The following IGSF11 variants were observed in gnomAD, a reference collection of about 807,000 sequenced individuals.
IGSF11 encodes the protein CXADR like 1.
Under a neutral mutation model 41.0 loss-of-function variants are expected in IGSF11, and 22 were observed. The ratio of observed to expected loss-of-function variants is 0.54; its 90% CI spans 0.38 to 0.77. IGSF11 has a LOEUF of 0.77. Ranked by LOEUF, IGSF11 falls within the 30% of genes least tolerant of loss-of-function variation. The probability of loss-of-function intolerance (pLI) is 0.00; values close to 1 mark genes in which losing one functional copy is unlikely to be tolerated. For synonymous variants in IGSF11, 219 were observed against 201.3 expected (o/e 1.09, Z -0.74); for missense variants, 444 against 530.8 (o/e 0.84, Z 1.61).
intron 1 of IGSF11, among the ~76,000 whole-genome samples, chr3:118,968,946 A>G (rs1395060738): frequency 6.6e-6 from 1 of 152,236 alleles, no homozygotes; most frequent in African/African-American, 2.4e-5. Flanking sequence ...TAAAACAGAT[A>G]AAGATAAAAT....
intron 1 of IGSF11, among the ~76,000 whole-genome samples, chr3:118,965,725 G>A (rs377349490): frequency 7.9e-5 from 12 of 152,132 alleles, no homozygotes; most frequent in South Asian, 6.2e-4. Flanking sequence ...CTCTCAGTGC[G>A]AAGCATTAGG....
chr3:119,118,499 G>A (rs913395761), intron 1 of IGSF11, among the ~76,000 whole-genome samples: 1 of 152,308 alleles, frequency 6.6e-6, no homozygotes, highest in African/African-American at 2.4e-5. Context: ...CAGGAACCTT[G>A]GGCTCAGCCC....
chr3:118,990,754 G>T (rs1167375157), intron 1 of IGSF11, among the ~76,000 whole-genome samples: 1 of 152,106 alleles, frequency 6.6e-6, no homozygotes, highest in Non-Finnish European at 1.5e-5. Flanking sequence ...CCACCTAGAA[G>T]TTAGTTCTGG....
At chr3:119,001,581 A>C (rs570561358) in intron 1 of IGSF11, among the ~76,000 whole-genome samples, 1 of 134,826 alleles carries the variant, frequency 7.4e-6, no homozygotes, top group Non-Finnish European at 1.6e-5. Context: ...CTAACTCGTC[A>C]TCTAGCATTA....
chr3:118,950,276 A>G (rs1158511674), intron 1 of IGSF11, among the ~76,000 whole-genome samples: 4 of 152,158 alleles, frequency 2.6e-5, no homozygotes, highest in Non-Finnish European at 4.4e-5. Flanking sequence ...CTGATCCGTT[A>G]TATCACCTCC....
At chr3:119,092,045 C>A (rs1030830747) in intron 1 of IGSF11, among the ~76,000 whole-genome samples, 10 of 150,738 alleles carry the variant, frequency 6.6e-5, no homozygotes, top group Admixed American at 4.6e-4. Flanking sequence ...ACAGTCTCAC[C>A]CTGTCACTCA....
chr3:119,129,617 A>AAT, intron 1 of IGSF11, among the ~76,000 whole-genome samples: 1 of 152,328 alleles, frequency 6.6e-6, no homozygotes, highest in African/African-American at 2.4e-5. Context: ...ATAAACTTAA[A>AAT]ATAACTGATT....
intron 1 of IGSF11, among the ~76,000 whole-genome samples, chr3:119,110,490 A>C (rs2107518276): frequency 6.6e-6 from 1 of 152,262 alleles, no homozygotes; most frequent in East Asian, 1.9e-4. Flanking sequence ...GTGTCTCTGC[A>C]CGTGAGATGG....
chr3:118,962,077 T>G (rs1013846148), intron 1 of IGSF11, among the ~76,000 whole-genome samples: 14 of 152,194 alleles, frequency 9.2e-5, no homozygotes, highest in Non-Finnish European at 1.3e-4. Flanking sequence ...TCAGGTGTAG[T>G]TTCTGTCTCT....
At chr3:119,092,571 C>T (rs1050109796) in intron 1 of IGSF11, among the ~76,000 whole-genome samples, 5 of 152,034 alleles carry the variant, frequency 3.3e-5, no homozygotes, top group Non-Finnish European at 7.4e-5. Flanking sequence ...CTCAGGTGAT[C>T]CACTCCTCTC....
At chr3:119,073,104 T>C (rs1047183158) in intron 1 of IGSF11, among the ~76,000 whole-genome samples, 4 of 152,104 alleles carry the variant, frequency 2.6e-5, no homozygotes, top group African/African-American at 9.7e-5. Context: ...GTGATTGGTG[T>C]GTTTATAAAC....
intron 1 of IGSF11, among the ~76,000 whole-genome samples, chr3:119,138,192 C>G (rs1036373548): frequency 4.6e-5 from 7 of 151,076 alleles, no homozygotes; most frequent in Admixed American, 3.9e-4. Context: ...ATTGAGCTAC[C>G]ATATGATCCA....
intron 1 of IGSF11, among the ~76,000 whole-genome samples, chr3:119,135,884 T>G (rs889516754): frequency 3.3e-5 from 5 of 152,090 alleles, no homozygotes; most frequent in Admixed American, 3.3e-4. Flanking sequence ...TATGCAGCCA[T>G]AAAGAAGAAT....
At chr3:119,041,691 T>A (rs1020920197) in intron 1 of IGSF11, among the ~76,000 whole-genome samples, 2 of 151,970 alleles carry the variant, frequency 1.3e-5, no homozygotes, top group Admixed American at 1.3e-4. Context: ...AATCTGAAAA[T>A]TTGGAGGAAA....
chr3:119,017,039 C>CCAAAAAAAAAA lies in IGSF11; in HGVS notation c.52+17491_52+17492insTTTTTTTTTTG, dbSNP rs1553713302. Among the ~76,000 whole-genome samples the CCAAAAAAAAAA allele has an allele frequency of 5.7e-5, 5 of 88,320 alleles. 1 individual carries two copies. The highest frequency in any genetic ancestry group is 7.5e-5 in the African/African-American group (2 of 26,716). The allele number at this position is 88,320 out of a possible 152,430, so 57.9% of individuals were successfully genotyped here. The stretch of plus-strand genomic sequence containing the variant: ...TGAGCAAAGTTAAATGGACGCAGGA[C>CCAAAAAAAAAA]AAAAAAAAAAAAAAAAAAGCCAACT... On this transcript the variant is annotated intron_variant, in intron 1 of 6. Coordinates refer to ENST00000393775, the MANE Select transcript of IGSF11 (RefSeq NM_001015887.3).
intron 1 of IGSF11, among the ~76,000 whole-genome samples, chr3:118,973,766 C>T (rs1302241584): frequency 1.3e-5 from 2 of 152,162 alleles, no homozygotes; most frequent in Non-Finnish European, 2.9e-5. Context: ...CAAGAGCAAT[C>T]ATATGTGCAA....
rs1268204891 is a variant in IGSF11, at chr3:119,033,996, T to TATCTA, written c.52+534_52+535insTAGAT. Among the ~76,000 whole-genome samples the TATCTA allele has an allele frequency of 2.0e-5, 3 of 152,332 alleles. No individual in the cohort carries two copies. In the East Asian group the frequency reaches 5.8e-4, roughly 29 times the overall value. ...AAGTCCTTTGGAGATGAAGCTAGAG[T>TATCTA]GTAAATAAATTCTTGTTTTCGATTG... On this transcript the variant is annotated intron_variant, in intron 1 of 6. Coordinates refer to ENST00000393775, the MANE Select transcript of IGSF11 (RefSeq NM_001015887.3).
chr3:119,074,477 T>A (rs946286608), intron 1 of IGSF11, among the ~76,000 whole-genome samples: 47 of 151,782 alleles, frequency 3.1e-4, no homozygotes, highest in Non-Finnish European at 4.4e-5. Flanking sequence ...ACAGTACAGA[T>A]ACAACATAGT....
At chr3:119,004,961 T>C (rs1013541477) in intron 1 of IGSF11, among the ~76,000 whole-genome samples, 12 of 151,644 alleles carry the variant, frequency 7.9e-5, no homozygotes, top group Non-Finnish European at 1.3e-4. Flanking sequence ...TGGAGAGTTC[T>C]GTAGATGTCT....
Sources: allele counts gnomAD v4.1 joint callset (sites outside exome capture counted in the v4.1 genomes callset), GRCh38; gene constraint gnomAD v4.1.1; transcripts MANE v1.5; gene names NCBI Gene and HGNC (gene_info 2026-07-23, HGNC 2026-07-21).